The following PRSS53 variants were observed in gnomAD, a reference collection of about 807,000 sequenced individuals.
PRSS53 encodes serine protease 53.
PRSS53 carries 54 observed loss-of-function variants against 62.7 expected under a neutral mutation model. The ratio of observed to expected loss-of-function variants is 0.86; its 90% CI spans 0.69 to 1.08. The LOEUF is 1.08. Among genes scored for constraint, PRSS53 ranks in the 50% least tolerant of loss-of-function variants. The pLI, the probability that PRSS53 is intolerant of heterozygous loss-of-function variation, is 0.00. For missense variants in PRSS53, 688 were observed against 728.3 expected (o/e 0.94, Z 0.64); for synonymous variants, 273 against 300.0 (o/e 0.91, Z 0.93).
chr16:31,086,450 G>T (rs766085215), exon 5 of PRSS53: 1 of 1,614,054 alleles, frequency 6.2e-7, no homozygotes, highest in South Asian at 1.1e-5. Flanking sequence ...CATGTGGGGC[G>T]ACTGATGAGA....
chr16:31,084,755 C>T lies in PRSS53; in HGVS notation c.1279+25G>A, dbSNP rs2057211925. On this transcript the variant is annotated intron_variant, in intron 8 of 10. Coordinates refer to ENST00000280606, the Ensembl canonical transcript of PRSS53. ...CCCGGCCTGCAGGTTGGATGGACAG[C>T]AGCCCTGGCCCTGTGCCCACCTACC... The T allele has an allele frequency of 3.2e-6, 5 of 1,585,720 alleles. No homozygotes were observed. In the African/African-American group the frequency reaches 5.4e-5, roughly 17 times the overall value.
intron 6 of PRSS53, 32 bp from the exon 7 acceptor site, chr16:31,085,292 T>C: frequency 1.3e-6 from 2 of 1,506,116 alleles, no homozygotes; most frequent in Non-Finnish European, 8.9e-7. Flanking sequence ...TCTGACTTCT[T>C]GCTAAGCACT....
chr16:31,085,113 A>T, exon 7 of PRSS53: 1 of 1,613,044 alleles, frequency 6.2e-7, no homozygotes, highest in African/African-American at 1.3e-5. Context: ...GACTCACCCA[A>T]TGAAGCAGTG....
rs754169438 is a variant in PRSS53 at position 31,085,143 on chromosome 16, T to G, written c.1001A>C (p.Glu334Ala). ...GCAGTGGGCAGCAGTTAGCACCGCC[T>G]CCTCTGACACCAGGGCTCCGCCACA... Residue 334 changes from glutamate (E) to alanine (A), a missense_variant, in exon 7 of 11, where the codon GAG (glutamate) becomes GCG (alanine). Transcript: ENST00000280606. The G allele has an allele frequency of 4.3e-6, 7 of 1,612,210 alleles. No homozygotes were observed. In the African/African-American group the frequency reaches 9.3e-5, roughly 21 times the overall value.
chr16:31,084,252 T>G, exon 10 of PRSS53: 1 of 1,612,108 alleles, frequency 6.2e-7, no homozygotes, highest in South Asian at 1.1e-5. Flanking sequence ...TGGCGGGGCC[T>G]TGGCAAGCAT....
exon 1 of PRSS53, chr16:31,088,935 T>C: frequency 2.0e-6 from 3 of 1,505,828 alleles, no homozygotes; most frequent in Non-Finnish European, 2.7e-6. Flanking sequence ...TAGCCAGCAG[T>C]TCCTAGCTCT....
intron 1 of PRSS53, chr16:31,088,486 G>T: frequency 7.4e-7 from 1 of 1,355,636 alleles, no homozygotes; most frequent in Non-Finnish European, 9.5e-7. Flanking sequence ...GGGGAGGCAG[G>T]CACAGGACAC....
chr16:31,084,441 G>C, intron 9 of PRSS53, 106 bp from the exon 10 acceptor site: 1 of 1,493,000 alleles, frequency 6.7e-7, no homozygotes, highest in Non-Finnish European at 9.0e-7. Context: ...TGGCAAAAAG[G>C]CTTAGTTTCA....
intron 5 of PRSS53, 70 bp from the exon 6 acceptor site, chr16:31,086,253 G>T (rs4889535): frequency 3.0e-5 from 47 of 1,585,282 alleles, no homozygotes; most frequent in Non-Finnish European, 4.0e-5. Flanking sequence ...CTGATTGCAG[G>T]TCTTTCCCCC....
chr16:31,088,365 C>T (rs966825471), intron 1 of PRSS53: 1 of 1,133,154 alleles, frequency 8.8e-7, no homozygotes, highest in Non-Finnish European at 1.1e-6. Flanking sequence ...CACAGGCACA[C>T]AGGCACCCCA....
chr16:31,087,355 ATCT>A (rs2057245155), intron 3 of PRSS53, 179 bp downstream of exon 3: 2 of 616,018 alleles, frequency 3.2e-6, no homozygotes, highest in African/African-American at 1.8e-5. Flanking sequence ...TGATTTGTAA[ATCT>A]TCTACCATGA....
chr16:31,088,659 G>C, intron 1 of PRSS53, 93 bp downstream of exon 1: 1 of 1,592,532 alleles, frequency 6.3e-7, no homozygotes, highest in Non-Finnish European at 8.5e-7. Flanking sequence ...GCCCACAGGC[G>C]GTCCCCCCAC....
chr16:31,087,302 C>G, intron 3 of PRSS53: 3 of 581,900 alleles, frequency 5.2e-6, no homozygotes, highest in Non-Finnish European at 9.2e-6. Flanking sequence ...CGGCCTCAGT[C>G]TGTGACTTTA....
At chr16:31,087,997 T>C in intron 1 of PRSS53, 171 bp from the exon 2 acceptor site, 2 of 1,510,072 alleles carry the variant, frequency 1.3e-6, no homozygotes, top group Non-Finnish European at 1.8e-6. Context: ...CAGCTTTTAT[T>C]GGAACCTATT....
chr16:31,085,114 T>C, exon 7 of PRSS53: 1 of 1,613,008 alleles, frequency 6.2e-7, no homozygotes, highest in Non-Finnish European at 8.5e-7. Flanking sequence ...ACTCACCCAA[T>C]GAAGCAGTGG....
intron 6 of PRSS53, 129 bp from the exon 7 acceptor site, chr16:31,085,389 G>T: frequency 8.9e-7 from 1 of 1,119,446 alleles, no homozygotes; most frequent in Non-Finnish European, 1.2e-6. Flanking sequence ...TTCCAGAGAG[G>T]TTAAGAGACT....
At chr16:31,088,713 C>T in intron 1 of PRSS53, 39 bp downstream of exon 1, 1 of 1,612,012 alleles carries the variant, frequency 6.2e-7, no homozygotes, top group Non-Finnish European at 8.5e-7. Flanking sequence ...CCTGAGCCCC[C>T]ACCAGGCCAC....
chr16:31,085,211 TG>T lies in PRSS53; in HGVS notation c.932del (p.Pro311HisfsTer8). On this transcript the variant is annotated frameshift_variant, in exon 7 of 11. Transcript: ENST00000280606. LOFTEE classifies it high-confidence loss of function. ...GCATCAGCCTGGCCTCCCAGGGCCA[TG>T]GGGAGGGTGCTCCTGCCTGGGGACC... 6.2e-7 allele frequency: 1 copy of T among 1,604,860 alleles called. No individual in the cohort carries two copies. Among genetic ancestry groups the T allele is most frequent in the Non-Finnish European group, 8.5e-7 (1 of 1,176,146 alleles).
In PRSS53 at chr16:31,088,134, G is replaced by A. The variant is rs945493578; in HGVS notation, c.59-308C>T. On this transcript the variant is annotated intron_variant, in intron 1 of 10. Coordinates refer to ENST00000280606, the Ensembl canonical transcript of PRSS53. The stretch of plus-strand genomic sequence containing the variant: ...ACCCCCAACTCCTGCCCCCGCCACT[G>A]AGTCAGCCAGGCGGCCTGTGTGTGT... 13 of 1,344,312 alleles carry A rather than the reference G, an allele frequency of 9.7e-6. No individual in the cohort carries two copies. In the African/African-American group the frequency reaches 1.8e-4, roughly 18 times the overall value. 83.3% of individuals were successfully genotyped at this position (1,344,312 alleles called of 1,614,324 possible).
Sources: gnomAD v4.1 joint callset for allele counts on GRCh38, gnomAD v4.1.1 for gene constraint, MANE v1.5 for transcripts, NCBI Gene and HGNC (gene_info 2026-07-23, HGNC 2026-07-21) for gene names.